The following PIK3C2G variants were observed in gnomAD, a reference collection of about 807,000 sequenced individuals.
PIK3C2G encodes the protein phosphatidylinositol-4-phosphate 3-kinase catalytic subunit type 2 gamma.
Under a neutral mutation model 181.1 loss-of-function variants are expected in PIK3C2G, and 168 were observed. That is an observed-to-expected ratio of 0.93 (90% CI 0.82 to 1.05). PIK3C2G has a LOEUF of 1.05. PIK3C2G is among the 50% of genes least tolerant of loss of function. The probability of loss-of-function intolerance (pLI) is 0.00; values close to 1 mark genes in which losing one functional copy is unlikely to be tolerated. For synonymous variants in PIK3C2G, 573 were observed against 592.2 expected, an observed-to-expected ratio of 0.97 and a Z score of 0.47; for missense variants, 1,869 against 1,732.8, an observed-to-expected ratio of 1.08 and a Z score of -1.40.
intron 30 of PIK3C2G, among the ~76,000 whole-genome samples, chr12:18,601,963 G>A (rs539889351): frequency 4.6e-5 from 7 of 152,224 alleles, no homozygotes; most frequent in African/African-American, 1.7e-4. Context: ...CCAGAGGAGG[G>A]GGTAAAACTG....
upstream of PIK3C2G, among the ~76,000 whole-genome samples, chr12:18,260,255 A>G (rs1023755734): frequency 6.6e-6 from 1 of 152,114 alleles, no homozygotes; most frequent in African/African-American, 2.4e-5. Context: ...TTTTTCTTAA[A>G]TAGTGGCTCA....
At chr12:18,401,088 G>A (rs11044077) in intron 16 of PIK3C2G, among the ~76,000 whole-genome samples, 2 of 152,028 alleles carry the variant, frequency 1.3e-5, no homozygotes, top group Non-Finnish European at 2.9e-5. Flanking sequence ...ATCTGACTCA[G>A]AGCTACTCAA....
chr12:18,271,079 C>A (rs1419802084), intron 1 of PIK3C2G, among the ~76,000 whole-genome samples: 3 of 152,094 alleles, frequency 2.0e-5, no homozygotes, highest in Non-Finnish European at 4.4e-5. Flanking sequence ...TGTTCATAGT[C>A]CCATGCCCCT....
intron 20 of PIK3C2G, among the ~76,000 whole-genome samples, chr12:18,492,747 T>C (rs1940680574): frequency 6.6e-6 from 1 of 152,054 alleles, no homozygotes; most frequent in Non-Finnish European, 1.5e-5. Flanking sequence ...AAGAGTGTTT[T>C]TGTTTTTGTT....
intron 16 of PIK3C2G, among the ~76,000 whole-genome samples, chr12:18,408,555 C>A (rs1944673794): frequency 6.6e-6 from 1 of 151,968 alleles, no homozygotes; most frequent in South Asian, 2.1e-4. Context: ...CCAAAACAGA[C>A]AAATGGGATC....
chr12:18,685,768 A>C, the PIK3C2G span: 1 of 375,268 alleles, frequency 2.7e-6, no homozygotes. Flanking sequence ...TCTTCCTCCA[A>C]TCCTACTTCA....
downstream of PIK3C2G, chr12:18,648,437 C>T (rs969207367): frequency 4.9e-6 from 1 of 203,236 alleles, no homozygotes; most frequent in African/African-American, 2.3e-5. Flanking sequence ...TATCTGTAAT[C>T]AATTTTTAAA....
chr12:18,357,321 T>G (rs1160337085), intron 11 of PIK3C2G, among the ~76,000 whole-genome samples: 2 of 152,044 alleles, frequency 1.3e-5, no homozygotes, highest in Non-Finnish European at 2.9e-5. Context: ...GTGTTTAATG[T>G]TGGAAAGCTC....
At chr12:18,696,530 T>G in the PIK3C2G span, among the ~76,000 whole-genome samples, 1 of 151,552 alleles carries the variant, frequency 6.6e-6, no homozygotes. Flanking sequence ...AAGGAAAAAA[T>G]TGATTAGATA....
the PIK3C2G span, among the ~76,000 whole-genome samples, chr12:18,725,030 A>C: frequency 6.6e-6 from 1 of 152,180 alleles, no homozygotes; most frequent in Non-Finnish European, 1.5e-5. Context: ...TGTACTAAAA[A>C]GAATTGGAGA....
the PIK3C2G span, chr12:18,701,649 T>A: frequency 3.5e-5 from 52 of 1,500,090 alleles, no homozygotes; most frequent in Admixed American, 6.8e-4. Flanking sequence ...CTCCTCCTCC[T>A]CCTCTCCATC....
chr12:18,684,256 T>C, the PIK3C2G span: 1 of 1,609,680 alleles, frequency 6.2e-7, no homozygotes, highest in Non-Finnish European at 8.5e-7. Context: ...AATGTGAATG[T>C]TTCATTCCAT....
At chr12:18,523,931 G>T (rs1403623682) in intron 24 of PIK3C2G, among the ~76,000 whole-genome samples, 1 of 152,200 alleles carries the variant, frequency 6.6e-6, no homozygotes, top group Non-Finnish European at 1.5e-5. Flanking sequence ...GCTGTCTAAG[G>T]ATTGGACCAT....
chr12:18,571,288 G>A (rs1459739680), intron 29 of PIK3C2G, among the ~76,000 whole-genome samples: 1 of 150,510 alleles, frequency 6.6e-6, no homozygotes, highest in African/African-American at 2.5e-5. Flanking sequence ...ATTTTGCAAT[G>A]TTTTATGATC....
the PIK3C2G span, among the ~76,000 whole-genome samples, chr12:18,670,890 AAC>A: frequency 6.6e-6 from 1 of 152,304 alleles, no homozygotes; most frequent in African/African-American, 2.4e-5. Context: ...TAAGAAAACA[AAC>A]ACAGTTTCGG....
chr12:18,435,653 C>A (rs1456453238), intron 18 of PIK3C2G, among the ~76,000 whole-genome samples: 1 of 152,046 alleles, frequency 6.6e-6, no homozygotes, highest in East Asian at 1.9e-4. Context: ...TCTTGTAAGC[C>A]TTTCTACATC....
the PIK3C2G span, among the ~76,000 whole-genome samples, chr12:18,678,039 T>C: frequency 6.6e-6 from 1 of 152,124 alleles, no homozygotes; most frequent in African/African-American, 2.4e-5. Context: ...ATGAATGACA[T>C]TGTGGATATG....
intron 24 of PIK3C2G, among the ~76,000 whole-genome samples, chr12:18,528,198 A>G (rs1158136082): frequency 6.6e-6 from 1 of 152,178 alleles, no homozygotes; most frequent in African/African-American, 2.4e-5. Flanking sequence ...GATATTAGAC[A>G]AGAGACTTGT....
intron 31 of PIK3C2G, among the ~76,000 whole-genome samples, chr12:18,636,483 G>A (rs632937): frequency 0.37 from 55,918 of 151,908 alleles, 12,084 homozygotes; most frequent in Admixed American, 0.52. Flanking sequence ...CACCCACCTC[G>A]GCCTCCCAAA....
Sources: gnomAD v4.1 joint callset for allele counts (sites outside exome capture counted in the v4.1 genomes callset) on GRCh38, gnomAD v4.1.1 for gene constraint, MANE v1.5 for transcripts, NCBI Gene and HGNC (gene_info 2026-07-23, HGNC 2026-07-21) for gene names.